The following AGBL4 variants were observed in gnomAD, a reference collection of about 807,000 sequenced individuals.
The protein encoded by AGBL4 is AGBL carboxypeptidase 4.
Under a neutral mutation model 66.4 loss-of-function variants are expected in AGBL4, and 58 were observed. That is an observed-to-expected ratio of 0.87 (90% CI 0.71 to 1.09). AGBL4 has a LOEUF of 1.09. AGBL4 is among the 50% of genes least tolerant of loss of function. The probability of loss-of-function intolerance (pLI) is 0.00; values close to 1 mark genes in which losing one functional copy is unlikely to be tolerated. For synonymous variants in AGBL4, 234 were observed against 222.9 expected (o/e 1.05, Z -0.44); for missense variants, 579 against 631.0 (o/e 0.92, Z 0.88).
At chr1:49,169,285 T>C (rs760374246) in intron 4 of AGBL4, among the ~76,000 whole-genome samples, 2 of 152,198 alleles carry the variant, frequency 1.3e-5, no homozygotes, top group African/African-American at 2.4e-5. Flanking sequence ...ACAGATTGCC[T>C]GGCCAGTTAA....
At chr1:48,992,352 A>ACT (rs1660661448) in intron 5 of AGBL4, among the ~76,000 whole-genome samples, 1 of 149,492 alleles carries the variant, frequency 6.7e-6, no homozygotes, top group Admixed American at 6.6e-5. Flanking sequence ...AAATGGAGTC[A>ACT]CTCTCTCTCT....
intron 4 of AGBL4, among the ~76,000 whole-genome samples, chr1:49,074,844 G>A (rs1292945956): frequency 6.6e-6 from 1 of 152,102 alleles, no homozygotes; most frequent in Non-Finnish European, 1.5e-5. Context: ...ACCTTTCAGG[G>A]CAAATTGTGG....
chr1:49,138,495 G>GCTTTCTCCATCACATGGAGTCTGGCTT (rs1374125251), intron 4 of AGBL4, among the ~76,000 whole-genome samples: 12 of 152,020 alleles, frequency 7.9e-5, no homozygotes, highest in Admixed American at 3.3e-4. Context: ...TTAACCCACT[G>GCTTTCTCCATCACATGGAGTCTGGCTT]CTTTCTCCAT....
intron 2 of AGBL4, among the ~76,000 whole-genome samples, chr1:49,753,104 T>G (rs1651605915): frequency 1.3e-5 from 2 of 152,236 alleles, no homozygotes. Context: ...AATTGGATCC[T>G]GTCATATGAT....
At position 48,726,955 on chromosome 1, in the gene AGBL4, G is replaced by A. The variant is rs371147063; in HGVS notation, c.635-63714C>T. 1.5e-4 allele frequency among the ~76,000 whole-genome samples: 23 copies of A among 152,314 alleles called. No homozygotes were observed. The East Asian group carries it at 3.7e-3, about 24-fold the overall frequency. On this transcript the variant is annotated intron_variant, in intron 6 of 13. Coordinates refer to ENST00000371839, the MANE Select transcript of AGBL4 (RefSeq NM_032785.4). ...GGGGAGCCAGGCTTGGAATCTAGAC[G>A]CATCGGCCCAAAGCCCTTGCCCTTT... is the stretch of plus-strand genomic sequence containing the variant.
intron 11 of AGBL4, among the ~76,000 whole-genome samples, chr1:48,543,739 GGGGTTGGACAT>G (rs1395113683): frequency 6.6e-6 from 1 of 152,212 alleles, no homozygotes; most frequent in African/African-American, 2.4e-5. Context: ...TCCCCAAGCT[GGGGTTGGACAT>G]GGCCTAGGAC....
chr1:50,023,760 G>T lies in AGBL4; in HGVS notation c.34+3C>A. 1 of 1,549,276 alleles carries T rather than the reference G, an allele frequency of 6.5e-7. No individual in the cohort carries two copies. Among genetic ancestry groups the T allele is most frequent in the South Asian group, 1.2e-5 (1 of 83,808 alleles). On this transcript the variant is annotated splice_donor_region_variant and intron_variant, in intron 1 of 13. Coordinates refer to ENST00000371839, the MANE Select transcript of AGBL4 (RefSeq NM_032785.4). ...CTTCCCCAGATCGGCCGCCCCCACA[G>T]ACCTGCCTCAGGCGCCGACTGGCTC...
Position 50,023,947 on chromosome 1 carries a change from G to A in AGBL4, c.-151C>T. 2 of 805,636 alleles carry A rather than the reference G, an allele frequency of 2.5e-6. No homozygotes were observed. The highest frequency in any genetic ancestry group is 6.9e-5 in the East Asian group (2 of 28,796). The allele number at this position is 805,636 out of a possible 1,614,324, so 49.9% of individuals were successfully genotyped here. ...GGCGGCAGGCGCGCGGGTGGCCGGC[G>A]CGCGGCTGAGGGCGGGAGGGACGCC... On this transcript the variant is annotated 5_prime_UTR_variant, in exon 1 of 14. Transcript: ENST00000371839.
intron 5 of AGBL4, among the ~76,000 whole-genome samples, chr1:48,897,274 G>A (rs1379758736): frequency 1.3e-5 from 2 of 152,064 alleles, no homozygotes; most frequent in African/African-American, 2.4e-5. Context: ...TAACATAGTG[G>A]TCTCCAGTAT....
Position 49,881,193 on chromosome 1 carries a change from C to T in AGBL4, c.35-29675G>A, listed in dbSNP as rs184312095. Among the ~76,000 whole-genome samples the T allele has an allele frequency of 1.2e-3, 183 of 152,242 alleles. 2 individuals carry two copies. The highest frequency in any genetic ancestry group is 1.9e-3 in the Non-Finnish European group (132 of 68,024). ...CCATCTTGATGATTTCCAATTTCAT[C>T]TATGTCCCTACAAAGGACATGAACT... is the stretch of plus-strand genomic sequence containing the variant. On this transcript the variant is annotated intron_variant, in intron 1 of 13. Coordinates refer to ENST00000371839, the MANE Select transcript of AGBL4 (RefSeq NM_032785.4).
intron 2 of AGBL4, among the ~76,000 whole-genome samples, chr1:49,809,449 G>C (rs1243822666): frequency 6.6e-6 from 1 of 152,024 alleles, no homozygotes; most frequent in Non-Finnish European, 1.5e-5. Flanking sequence ...CTAATAAAGA[G>C]TTGGTGGAAC....
intron 5 of AGBL4, among the ~76,000 whole-genome samples, chr1:48,965,705 G>A (rs1413744184): frequency 6.6e-6 from 1 of 152,148 alleles, no homozygotes; most frequent in Non-Finnish European, 1.5e-5. Context: ...CATAGGCAGG[G>A]TTGGCAGAGG....
chr1:49,224,804 A>T (rs1318348963), intron 4 of AGBL4, among the ~76,000 whole-genome samples: 2 of 152,104 alleles, frequency 1.3e-5, no homozygotes, highest in Non-Finnish European at 2.9e-5. Flanking sequence ...CACAGTCCAA[A>T]AATGGCTCAC....
At chr1:49,023,668 G>A (rs1173668013) in intron 5 of AGBL4, among the ~76,000 whole-genome samples, 1 of 152,078 alleles carries the variant, frequency 6.6e-6, no homozygotes, top group Non-Finnish European at 1.5e-5. Context: ...TGTTTAGAAG[G>A]TGAGAAGCCC....
chr1:48,790,683 G>A (rs1205213873), intron 6 of AGBL4, among the ~76,000 whole-genome samples: 2 of 152,098 alleles, frequency 1.3e-5, no homozygotes, highest in African/African-American at 4.8e-5. Flanking sequence ...ACAGTGTAGA[G>A]AGGTGAGACA....
chr1:49,751,276 G>C (rs971939577), intron 2 of AGBL4, among the ~76,000 whole-genome samples: 1 of 151,898 alleles, frequency 6.6e-6, no homozygotes, highest in East Asian at 1.9e-4. Context: ...TAGTTTATTG[G>C]GTGTTTTTAG....
chr1:49,194,408 TA>T (rs1481337742), intron 4 of AGBL4, among the ~76,000 whole-genome samples: 1 of 152,226 alleles, frequency 6.6e-6, no homozygotes. Context: ...TATGTGTTTT[TA>T]CAAGTGAGGT....
intron 3 of AGBL4, among the ~76,000 whole-genome samples, chr1:49,666,259 T>G (rs1406059101): frequency 3.3e-5 from 5 of 152,168 alleles, no homozygotes. Flanking sequence ...AATTCAGAGT[T>G]TATTTAGTTT....
At position 49,346,233 on chromosome 1, in the gene AGBL4, G is replaced by A. The variant is rs192317257; in HGVS notation, c.283-100369C>T. On this transcript the variant is annotated intron_variant, in intron 3 of 13. Coordinates refer to ENST00000371839, the MANE Select transcript of AGBL4 (RefSeq NM_032785.4). ...ATACCTAGTATTAGATTCTACTCTCGTCTGTTGTTTTTGAGGGTTTTTGTT... is the reference window on the plus strand; with the variant it reads ...ATACCTAGTATTAGATTCTACTCTCATCTGTTGTTTTTGAGGGTTTTTGTT... Among the ~76,000 whole-genome samples, 90 of 152,212 alleles carry A rather than the reference G, an allele frequency of 5.9e-4. 1 individual carries two copies. The highest frequency in any genetic ancestry group is 1.8e-3 in the African/African-American group (73 of 41,536).
Sources: gnomAD v4.1 joint callset for allele counts (sites outside exome capture counted in the v4.1 genomes callset) on GRCh38, gnomAD v4.1.1 for gene constraint, MANE v1.5 for transcripts, NCBI Gene and HGNC (gene_info 2026-07-23, HGNC 2026-07-21) for gene names.